Variants in GALNT18 observed in about 807,000 individuals in gnomAD.
GALNT18 encodes the protein GalNAc-transferase 18.
In GALNT18, 44 loss-of-function variants were observed where a neutral mutation model predicts 69.5. That is an observed-to-expected ratio of 0.63 (90% CI 0.50 to 0.81). The LOEUF (loss-of-function observed/expected upper bound fraction) is 0.81, where lower values mean the gene tolerates loss of function less well. GALNT18 is among the 40% of genes least tolerant of loss of function. The probability of loss-of-function intolerance (pLI) is 0.00; values close to 1 mark genes in which losing one functional copy is unlikely to be tolerated. For synonymous variants in GALNT18, 364 were observed against 318.2 expected (o/e 1.14, Z -1.53); for missense variants, 715 against 810.0 (o/e 0.88, Z 1.42).
At chr11:11,423,466 A>T (rs1263694277) in intron 3 of GALNT18, among the ~76,000 whole-genome samples, 2 of 152,188 alleles carry the variant, frequency 1.3e-5, no homozygotes, top group Non-Finnish European at 2.9e-5. Context: ...CCAACTGTTC[A>T]ATTACCTCTC....
chr11:11,317,118 A>C (rs898947795), intron 9 of GALNT18, among the ~76,000 whole-genome samples: 18 of 129,534 alleles, frequency 1.4e-4, no homozygotes, highest in Non-Finnish European at 2.4e-4. Context: ...TAATTTAAAC[A>C]AAATGGTTAT....
intron 1 of GALNT18, among the ~76,000 whole-genome samples, chr11:11,609,276 C>T (rs1859831034): frequency 6.6e-6 from 1 of 152,112 alleles, no homozygotes; most frequent in Admixed American, 6.5e-5. Flanking sequence ...CTGGCTTCTT[C>T]CCCTACCCCC....
intron 9 of GALNT18, among the ~76,000 whole-genome samples, chr11:11,295,852 C>T (rs573428197): frequency 6.6e-6 from 1 of 152,116 alleles, no homozygotes; most frequent in Non-Finnish European, 1.5e-5. Flanking sequence ...GGATGTCCAG[C>T]TTTGATGTGG....
rs1036281756 is a variant in GALNT18, at chr11:11,587,126, G to A, written c.235+34233C>T. Among the ~76,000 whole-genome samples the A allele has an allele frequency of 2.6e-5, 4 of 152,260 alleles. No homozygotes were observed. In the East Asian group the frequency reaches 5.8e-4, roughly 22 times the overall value. ...CCCAGTATCCAAACCTTCCCCAAGA[G>A]CCAGCCACAAAACAGTTACTGCCTG... On this transcript the variant is annotated intron_variant, in intron 1 of 10. Coordinates refer to ENST00000227756, the MANE Select transcript of GALNT18 (RefSeq NM_198516.3). This position sits in a 1 kb window ranked among gnomAD's most constrained non-coding sequence, Gnocchi z 4.4.
chr11:11,560,417 C>T (rs948366962), intron 1 of GALNT18, among the ~76,000 whole-genome samples: 1 of 152,160 alleles, frequency 6.6e-6, no homozygotes, highest in African/African-American at 2.4e-5. Context: ...AAAGCAGATT[C>T]AGAAAGACAA....
intron 1 of GALNT18, among the ~76,000 whole-genome samples, chr11:11,579,068 T>A (rs531111115): frequency 6.6e-6 from 1 of 152,262 alleles, no homozygotes; most frequent in African/African-American, 2.4e-5. Flanking sequence ...GCGGCTCGGG[T>A]TTCCCAGCCA....
chr11:11,448,622 T>C lies in GALNT18; in HGVS notation c.428+122A>G. The stretch of plus-strand genomic sequence containing the variant: ...GAACGCAAGCCGAGGGGACAGGCCC[T>C]GGCTGAAGCAGGAAAGGGACCCAAG... On this transcript the variant is annotated intron_variant, in intron 2 of 10. Transcript: ENST00000227756. 3 of 733,844 alleles carry C rather than the reference T, an allele frequency of 4.1e-6. No homozygotes were observed. In the South Asian group the frequency reaches 6.9e-5, roughly 17 times the overall value. 45.5% of individuals were successfully genotyped at this position (733,844 alleles called of 1,614,324 possible). A position where few individuals can be genotyped will look rare whatever the true frequency, so the allele number is the denominator to read the frequency against.
At chr11:11,411,547 G>C (rs1389899650) in intron 3 of GALNT18, among the ~76,000 whole-genome samples, 1 of 152,192 alleles carries the variant, frequency 6.6e-6, no homozygotes, top group East Asian at 1.9e-4. Flanking sequence ...GCTCAGAACA[G>C]TGCCTGTTTT....
At chr11:11,560,974 G>A (rs1444839134) in intron 1 of GALNT18, among the ~76,000 whole-genome samples, 1 of 152,154 alleles carries the variant, frequency 6.6e-6, no homozygotes, top group Non-Finnish European at 1.5e-5. Context: ...TCACACTTCT[G>A]CCATGGAAAA....
intron 1 of GALNT18, among the ~76,000 whole-genome samples, chr11:11,554,766 A>G (rs1475835809): frequency 6.6e-6 from 1 of 152,130 alleles, no homozygotes; most frequent in Non-Finnish European, 1.5e-5. Context: ...CATGGCTCAC[A>G]CACAGCCAGC....
intron 3 of GALNT18, among the ~76,000 whole-genome samples, chr11:11,428,607 C>T (rs1292637989): frequency 6.6e-6 from 1 of 152,214 alleles, no homozygotes; most frequent in Non-Finnish European, 1.5e-5. Flanking sequence ...ATCCCATCTT[C>T]CTCCTCAGAG....
Position 11,469,319 on chromosome 11 carries a change from G to A in GALNT18, c.236-20383C>T, listed in dbSNP as rs60369986. 8.6e-3 allele frequency among the ~76,000 whole-genome samples: 1,315 copies of A among 152,286 alleles called. 18 individuals are homozygous for A. The highest frequency in any genetic ancestry group is 0.03 in the African/African-American group (1,227 of 41,566). On this transcript the variant is annotated intron_variant, in intron 1 of 10. Coordinates refer to ENST00000227756, the MANE Select transcript of GALNT18 (RefSeq NM_198516.3). This position sits in a 1 kb window ranked among gnomAD's most constrained non-coding sequence, Gnocchi z 4.2. ...AGCAGATGAAAGGCATGGAGACAGC[G>A]CTGAAAGCCTGCCCCTCATTATAAG...
intron 1 of GALNT18, among the ~76,000 whole-genome samples, chr11:11,585,017 A>T (rs1181139380): frequency 6.6e-6 from 1 of 152,202 alleles, no homozygotes; most frequent in African/African-American, 2.4e-5. Context: ...ATAAATGGTA[A>T]TATTAATGGA....
chr11:11,307,036 G>A (rs929371128), intron 9 of GALNT18, among the ~76,000 whole-genome samples: 1 of 152,220 alleles, frequency 6.6e-6, no homozygotes, highest in South Asian at 2.1e-4. Flanking sequence ...TCTCACTCCA[G>A]CCGACTGTCA....
At chr11:11,278,846 G>A (rs998362007) in intron 10 of GALNT18, among the ~76,000 whole-genome samples, 1 of 152,124 alleles carries the variant, frequency 6.6e-6, no homozygotes, top group African/African-American at 2.4e-5. Context: ...ATAACTAAAA[G>A]TAGAATTGGA....
intron 2 of GALNT18, among the ~76,000 whole-genome samples, chr11:11,446,962 G>T (rs1486415287): frequency 2.6e-5 from 4 of 152,160 alleles, no homozygotes; most frequent in Non-Finnish European, 4.4e-5. Context: ...TAATTGGTCT[G>T]GGGTGTGGCC....
chr11:11,397,812 G>C (rs1271016678), intron 3 of GALNT18, among the ~76,000 whole-genome samples: 1 of 152,204 alleles, frequency 6.6e-6, no homozygotes. Context: ...AAAGAAAATA[G>C]AAAGGAGATT....
Position 11,619,991 on chromosome 11 carries a change from C to A in GALNT18, c.235+1368G>T, listed in dbSNP as rs898902580. Among the ~76,000 whole-genome samples, 1 of 152,148 alleles carries A rather than the reference C, an allele frequency of 6.6e-6. No individual in the cohort carries two copies. Among genetic ancestry groups the A allele is most frequent in the African/African-American group, 2.4e-5 (1 of 41,422 alleles). ...TGCACTCACCTGAACCTCCCTGAAC[C>A]TTCCCCTCCTGGAAAGGAACTATTC... On this transcript the variant is annotated intron_variant, in intron 1 of 10. Coordinates refer to ENST00000227756, the MANE Select transcript of GALNT18 (RefSeq NM_198516.3). This position sits in a 1 kb window ranked among gnomAD's most constrained non-coding sequence, Gnocchi z 4.9.
At chr11:11,412,565 C>T (rs961042250) in intron 3 of GALNT18, among the ~76,000 whole-genome samples, 3 of 152,262 alleles carry the variant, frequency 2.0e-5, no homozygotes, top group Non-Finnish European at 4.4e-5. Context: ...TCTTGCTTAA[C>T]AAGGTCTAAC....
Sources: gnomAD v4.1 joint callset for allele counts (sites outside exome capture counted in the v4.1 genomes callset) on GRCh38, gnomAD v4.1.1 for gene constraint, Gnocchi (gnomAD v3.1) non-coding constraint, MANE v1.5 for transcripts, NCBI Gene and HGNC (gene_info 2026-07-23, HGNC 2026-07-21) for gene names.